SLC35F4: variants seen among roughly 807,000 people sequenced by gnomAD.
SLC35F4 encodes chromosome 14 open reading frame 36.
Under a neutral mutation model 44.2 loss-of-function variants are expected in SLC35F4, and 24 were observed. That is an observed-to-expected ratio of 0.54 (90% CI 0.39 to 0.76). SLC35F4 has a LOEUF of 0.76. Ranked by LOEUF, SLC35F4 falls within the 30% of genes least tolerant of loss-of-function variation. The pLI is 0.00. For missense variants in SLC35F4, 562 were observed against 586.1 expected (o/e 0.96, Z 0.42); for synonymous variants, 238 against 223.6 (o/e 1.06, Z -0.57).
intron 1 of SLC35F4, among the ~76,000 whole-genome samples, chr14:57,861,816 T>C (rs1887705230): frequency 6.6e-6 from 1 of 152,168 alleles, no homozygotes; most frequent in African/African-American, 2.4e-5. Context: ...TTGATCTCCT[T>C]TGATGGTTTT....
At chr14:57,802,985 CAA>C (rs59647111) in intron 1 of SLC35F4, among the ~76,000 whole-genome samples, 7 of 71,318 alleles carry the variant, frequency 9.8e-5, no homozygotes, top group African/African-American at 1.7e-4. Flanking sequence ...GCAGAGATAC[CAA>C]AAAAAAAAAA....
intron 1 of SLC35F4, among the ~76,000 whole-genome samples, chr14:57,792,884 C>T (rs971415264): frequency 2.0e-5 from 3 of 149,892 alleles, no homozygotes; most frequent in East Asian, 2.0e-4. Flanking sequence ...AGAATTTACT[C>T]ATGTAACCAA....
intron 1 of SLC35F4, among the ~76,000 whole-genome samples, chr14:57,860,138 C>T (rs1482927727): frequency 2.6e-5 from 4 of 152,022 alleles, no homozygotes; most frequent in African/African-American, 4.8e-5. Flanking sequence ...TCATAGCAGC[C>T]GTCCAAGCAC....
chr14:57,657,526 C>T (rs2074005245), intron 1 of SLC35F4, among the ~76,000 whole-genome samples: 1 of 152,166 alleles, frequency 6.6e-6, no homozygotes, highest in Non-Finnish European at 1.5e-5. Context: ...AAGACTGTCA[C>T]AATACCATGC....
chr14:57,657,573 G>C (rs73303885), intron 1 of SLC35F4, among the ~76,000 whole-genome samples: 1 of 151,950 alleles, frequency 6.6e-6, no homozygotes, highest in Non-Finnish European at 1.5e-5. Context: ...ATCCTGTGCC[G>C]GCCCTTGCTT....
At chr14:57,981,662 C>T (rs1267771591) in intron 1 of SLC35F4, among the ~76,000 whole-genome samples, 7 of 152,124 alleles carry the variant, frequency 4.6e-5, no homozygotes, top group African/African-American at 1.7e-4. Flanking sequence ...CTTTTATTAT[C>T]CACGGTGGTA....
intron 1 of SLC35F4, among the ~76,000 whole-genome samples, chr14:57,854,852 C>G (rs1373965699): frequency 6.6e-6 from 1 of 152,138 alleles, no homozygotes; most frequent in Non-Finnish European, 1.5e-5. Flanking sequence ...CTAGACAAGC[C>G]AGAAATTGGT....
At chr14:57,856,948 A>G (rs1320923750) in intron 1 of SLC35F4, among the ~76,000 whole-genome samples, 1 of 152,058 alleles carries the variant, frequency 6.6e-6, no homozygotes, top group East Asian at 1.9e-4. Flanking sequence ...CTTATGATTC[A>G]GTAACTTTAT....
At chr14:57,646,563 A>C (rs1009858846) in intron 1 of SLC35F4, among the ~76,000 whole-genome samples, 2 of 152,126 alleles carry the variant, frequency 1.3e-5, no homozygotes, top group African/African-American at 4.8e-5. Context: ...TGATCTTTTC[A>C]AAAAACCAGT....
chr14:57,727,818 A>C (rs1386004118), intron 1 of SLC35F4, among the ~76,000 whole-genome samples: 1 of 152,176 alleles, frequency 6.6e-6, no homozygotes, highest in East Asian at 1.9e-4. Flanking sequence ...TCTATCCTTG[A>C]GAATGAACCA....
intron 1 of SLC35F4, among the ~76,000 whole-genome samples, chr14:57,860,234 A>G (rs1360136692): frequency 6.6e-6 from 1 of 152,154 alleles, no homozygotes; most frequent in Non-Finnish European, 1.5e-5. Flanking sequence ...AAAAGGGAAA[A>G]TATTTACTAC....
chr14:57,868,003 T>A (rs2141025300), upstream of SLC35F4, among the ~76,000 whole-genome samples: 1 of 152,258 alleles, frequency 6.6e-6, no homozygotes, highest in Non-Finnish European at 1.5e-5. Flanking sequence ...AAATAACAAT[T>A]ACCGTGTAAG....
chr14:57,937,347 C>T lies in SLC35F4; in HGVS notation n.282+44566G>A, dbSNP rs145524298. 6.1e-3 allele frequency among the ~76,000 whole-genome samples: 935 copies of T among 152,108 alleles called. 17 individuals are homozygous for T. The highest frequency in any genetic ancestry group is 0.021 in the African/African-American group (874 of 41,518). Reference sequence around the variant, plus strand: ...CCTCCCAAAGTGCCGGGATTACAGGCGCGAGCCACCGCACCTGGCCTTTAC... The same window carrying T: ...CCTCCCAAAGTGCCGGGATTACAGGTGCGAGCCACCGCACCTGGCCTTTAC... On this transcript the variant is annotated intron_variant and non_coding_transcript_variant, in intron 1 of 1. Coordinates refer to the SLC35F4 transcript ENST00000556568.
chr14:57,810,231 C>G (rs1192977525), intron 1 of SLC35F4, among the ~76,000 whole-genome samples: 1 of 152,124 alleles, frequency 6.6e-6, no homozygotes, highest in Non-Finnish European at 1.5e-5. Context: ...CTTGCTCCCC[C>G]CACTACTTAC....
intron 1 of SLC35F4, among the ~76,000 whole-genome samples, chr14:57,738,800 A>G (rs1348950404): frequency 7.6e-6 from 1 of 130,840 alleles, no homozygotes; most frequent in Non-Finnish European, 1.7e-5. Flanking sequence ...CTTCATATGT[A>G]TACATGTATA....
chr14:57,711,702 A>C (rs909165113), intron 1 of SLC35F4, among the ~76,000 whole-genome samples: 2 of 152,198 alleles, frequency 1.3e-5, no homozygotes, highest in Admixed American at 1.3e-4. Flanking sequence ...TATAAGGGTC[A>C]CATGTACACA....
chr14:57,619,886 C>T lies in SLC35F4; in HGVS notation c.104-25762G>A, dbSNP rs948110729. Among the ~76,000 whole-genome samples the T allele has an allele frequency of 7.2e-5, 11 of 151,784 alleles. No homozygotes were observed. The East Asian group carries it at 1.7e-3, about 24-fold the overall frequency. ...GCTGAAAAACACAGCACGAGAATTT[C>T]GTGAAGCATATAAAGTATCAACAGC... On this transcript the variant is annotated intron_variant, in intron 1 of 7. Transcript: ENST00000556826.
At chr14:57,962,541 T>A (rs1316914999) in intron 1 of SLC35F4, among the ~76,000 whole-genome samples, 4 of 152,168 alleles carry the variant, frequency 2.6e-5, no homozygotes, top group Non-Finnish European at 4.4e-5. Flanking sequence ...CTACAGGACA[T>A]CTCAAGGCCT....
chr14:57,932,740 T>G (rs1387214949), intron 1 of SLC35F4, among the ~76,000 whole-genome samples: 2 of 152,048 alleles, frequency 1.3e-5, no homozygotes, highest in African/African-American at 2.4e-5. Flanking sequence ...TCCCAGCTAC[T>G]TGGGAGGCTG....
Sources: allele counts gnomAD v4.1 joint callset (sites outside exome capture counted in the v4.1 genomes callset), GRCh38; gene constraint gnomAD v4.1.1; transcripts MANE v1.5; gene names NCBI Gene and HGNC (gene_info 2026-07-23, HGNC 2026-07-21).